The following RAG1 variants were observed in gnomAD, a reference collection of about 807,000 sequenced individuals.
The protein encoded by RAG1 is recombination activating 1.
A neutral mutation model predicts 62.7 loss-of-function variants in RAG1; 35 were observed. That is an observed-to-expected ratio of 0.56 (90% confidence interval 0.43 to 0.74). The LOEUF is 0.74. Ranked by LOEUF, RAG1 falls within the 30% of genes least tolerant of loss-of-function variation. RAG1 has a pLI of 0.00. For missense variants in RAG1, 1,169 were observed against 1,278.6 expected (o/e 0.91, Z 1.31); for synonymous variants, 461 against 470.3 (o/e 0.98, Z 0.26).
intron 2 of RAG1, among the ~76,000 whole-genome samples, chr11:36,532,819 C>G (rs1476805063): frequency 1.3e-5 from 2 of 151,800 alleles, no homozygotes; most frequent in Non-Finnish European, 2.9e-5. Flanking sequence ...GAGAGAGAGA[C>G]AGACAGCACA....
chr11:36,544,517 A>G (rs1280250379), intron 3 of RAG1, among the ~76,000 whole-genome samples: 1 of 152,220 alleles, frequency 6.6e-6, no homozygotes, highest in African/African-American at 2.4e-5. Flanking sequence ...GCATCTTTCC[A>G]GAGATATCTG....
chr11:36,511,330 T>C (rs1353560855), intron 1 of RAG1, among the ~76,000 whole-genome samples: 1 of 152,196 alleles, frequency 6.6e-6, no homozygotes, highest in Non-Finnish European at 1.5e-5. Context: ...GGTGCATATC[T>C]GTAGTCTCGG....
At chr11:36,560,146 G>T (rs1416918083) in intron 3 of RAG1, among the ~76,000 whole-genome samples, 1 of 152,062 alleles carries the variant, frequency 6.6e-6, no homozygotes, top group Non-Finnish European at 1.5e-5. Flanking sequence ...AATGGTGTTT[G>T]TAGAGACAGT....
chr11:36,560,029 G>A (rs546772318), intron 3 of RAG1, among the ~76,000 whole-genome samples: 5 of 152,228 alleles, frequency 3.3e-5, no homozygotes, highest in East Asian at 1.9e-4. Context: ...AGACTTTTTC[G>A]TGTGAGTCTG....
Position 36,574,617 on chromosome 11 carries a change from T to G in RAG1, c.1313T>G (p.Phe438Cys), listed in dbSNP as rs1465369983. Residue 438 changes from phenylalanine to cysteine, a missense_variant, in exon 2 of 2, where the codon TTC (phenylalanine) becomes TGC (cysteine). By Grantham distance (205) the Phe-to-Cys change is radical. Around this residue, in one of 2 missense-constraint regions of RAG1, gnomAD observed 800 missense variants for 943.3 expected, o/e 0.85. Coordinates refer to ENST00000299440, the MANE Select transcript of RAG1 (RefSeq NM_000448.3). The stretch of plus-strand genomic sequence containing the variant: ...GTGAAGTCCGTGTGCATGACCTTGT[T>G]CCTGCTGGCTCTGAGGGCGAGGAAT... ...GDVKSVCMTL[F>C]LLALRARNEH... 1 of 1,614,114 alleles carries G rather than the reference T, an allele frequency of 6.2e-7. No homozygotes were observed. The highest frequency in any genetic ancestry group is 1.3e-5 in the African/African-American group (1 of 74,950).
chr11:36,530,564 GA>G (rs1461119719), intron 2 of RAG1, among the ~76,000 whole-genome samples: 1 of 151,516 alleles, frequency 6.6e-6, no homozygotes, highest in Non-Finnish European at 1.5e-5. Context: ...AAATTTCTTT[GA>G]AATTTTTTCT....
Position 36,574,611 on chromosome 11 carries a change from C to T in RAG1, c.1307C>T (p.Thr436Ile), listed in dbSNP as rs1307634205. Residue 436 changes from threonine (T) to isoleucine (I), a missense_variant, in exon 2 of 2, where the codon ACC becomes ATC. Transcript: ENST00000299440. ...GGAGATGTGAAGTCCGTGTGCATGA[C>T]CTTGTTCCTGCTGGCTCTGAGGGCG... ...EGGDVKSVCM[T>I]LFLLALRARN... 1 of 1,614,116 alleles carries T rather than the reference C, an allele frequency of 6.2e-7. No individual in the cohort carries two copies.
intron 2 of RAG1, among the ~76,000 whole-genome samples, chr11:36,529,732 T>C (rs1027207617): frequency 6.6e-6 from 1 of 152,160 alleles, no homozygotes; most frequent in Non-Finnish European, 1.5e-5. Context: ...CATGATTGTA[T>C]ATTTAAGAAT....
intron 2 of RAG1, among the ~76,000 whole-genome samples, chr11:36,522,121 A>T (rs1306918653): frequency 6.6e-6 from 1 of 152,224 alleles, no homozygotes; most frequent in Non-Finnish European, 1.5e-5. Flanking sequence ...AGAAATTTGC[A>T]TAAGTAATGA....
At chr11:36,523,237 AC>A (rs938734014) in intron 2 of RAG1, among the ~76,000 whole-genome samples, 4 of 152,300 alleles carry the variant, frequency 2.6e-5, no homozygotes, top group African/African-American at 9.6e-5. Flanking sequence ...TATGGGAAGG[AC>A]CTGGTGGGAA....
Position 36,575,909 on chromosome 11 carries a change from G to T in RAG1, c.2605G>T (p.Val869Phe), listed in dbSNP as rs201313833. 4 of 1,614,192 alleles carry T rather than the reference G, an allele frequency of 2.5e-6. No individual in the cohort carries two copies. The highest frequency in any genetic ancestry group is 3.4e-6 in the Non-Finnish European group (4 of 1,180,048). Residue 869 changes from valine to phenylalanine, a missense_variant, in exon 2 of 2, where the codon GTT (valine) becomes TTT (phenylalanine). Val to Phe is a conservative substitution (Grantham distance 50, BLOSUM62 -1). Coordinates refer to ENST00000299440, the MANE Select transcript of RAG1 (RefSeq NM_000448.3). The surrounding 1 kb of genome is among the most constrained non-coding windows in gnomAD (Gnocchi z 4.1). ...CATGACCAAAGAGACTGTGGATGCAGTTTGTGAGTTAATTCCTTCCGAGGA... is the reference window on the plus strand; with the variant it reads ...CATGACCAAAGAGACTGTGGATGCATTTTGTGAGTTAATTCCTTCCGAGGA... ...KLMTKETVDA[V>F]CELIPSEERH...
In RAG1 at chr11:36,545,725, C is replaced by A. The variant is rs1314019035; in HGVS notation, c.-412+9691C>A. ...GCCATTTTCAACAGATTATAACAAA[C>A]CATGATGCAATTAACATTATAAACT... On this transcript the variant is annotated intron_variant and NMD_transcript_variant, in intron 3 of 9. Transcript: ENST00000534663. 2.6e-5 allele frequency among the ~76,000 whole-genome samples: 4 copies of A among 152,084 alleles called. No homozygotes were observed. In the East Asian group the frequency reaches 7.7e-4, roughly 29 times the overall value.
At chr11:36,563,322 GA>G (rs1334958541), upstream of RAG1, 4 of 152,244 alleles carry the variant, frequency 2.6e-5, no homozygotes, top group Admixed American at 6.5e-5. Flanking sequence ...ATAGAACAAA[GA>G]AGTGGAGGAA....
chr11:36,540,305 C>G (rs947033053), downstream of RAG1, among the ~76,000 whole-genome samples: 1 of 152,144 alleles, frequency 6.6e-6, no homozygotes, highest in Admixed American at 6.5e-5. Flanking sequence ...TTTTACTCAC[C>G]GATGTCACTT....
intron 2 of RAG1, among the ~76,000 whole-genome samples, chr11:36,526,023 T>G (rs1252598070): frequency 6.6e-6 from 1 of 152,230 alleles, no homozygotes; most frequent in African/African-American, 2.4e-5. Context: ...ATTGAACTAG[T>G]CTTGCATCCT....
rs1019126501 is a variant in RAG1 at position 36,560,720 on chromosome 11, G to A, written c.-411-2665G>A. Among the ~76,000 whole-genome samples, 9 of 152,078 alleles carry A rather than the reference G, an allele frequency of 5.9e-5. 1 individual carries two copies. The highest frequency in any genetic ancestry group is 3.9e-4 in the Admixed American group (6 of 15,266). Reference sequence around the variant, plus strand: ...GACTGTGGGGGTCTTTTGTACCTAGGATTTCAGGCATCTGCAGTGGTAATG... The same window carrying A: ...GACTGTGGGGGTCTTTTGTACCTAGAATTTCAGGCATCTGCAGTGGTAATG... On this transcript the variant is annotated intron_variant and NMD_transcript_variant, in intron 3 of 9. Transcript: ENST00000534663.
chr11:36,545,205 T>G (rs189555774), intron 3 of RAG1, among the ~76,000 whole-genome samples: 92 of 152,310 alleles, frequency 6.0e-4, no homozygotes, highest in African/African-American at 2.2e-3. Context: ...ATTAAATAGA[T>G]GTGGAATTTG....
In RAG1 at chr11:36,575,813, G is replaced by A. The variant is rs1850838649; in HGVS notation, c.2509G>A (p.Asp837Asn). Residue 837 changes from aspartate to asparagine, a missense_variant, in exon 2 of 2, where the codon GAC (aspartate) becomes AAC (asparagine). This residue lies in a region of RAG1 where 800 missense variants were observed against 943.3 expected (regional missense o/e 0.85). Coordinates refer to ENST00000299440, the MANE Select transcript of RAG1 (RefSeq NM_000448.3). The surrounding 1 kb of genome is among the most constrained non-coding windows in gnomAD (Gnocchi z 4.1). ...EERKRWQATL[D>N]KHLRKKMNLK... ...AAGGAAAAGGTGGCAGGCCACACTG[G>A]ACAAGCATCTCCGGAAGAAGATGAA... 6.2e-7 allele frequency: 1 copy of A among 1,614,200 alleles called. No homozygotes were observed. Among genetic ancestry groups the A allele is most frequent in the Non-Finnish European group, 8.5e-7 (1 of 1,180,042 alleles).
At chr11:36,551,132 T>C (rs1850475672) in intron 3 of RAG1, among the ~76,000 whole-genome samples, 2 of 152,146 alleles carry the variant, frequency 1.3e-5, no homozygotes, top group South Asian at 4.1e-4. Flanking sequence ...AGCAAAAGGA[T>C]TTAGTTGGAT....
Sources: gnomAD v4.1 joint callset for allele counts (sites outside exome capture counted in the v4.1 genomes callset) on GRCh38, gnomAD v4.1.1 for gene constraint, gnomAD v4.1.1 regional missense constraint, Gnocchi (gnomAD v3.1) non-coding constraint, MANE v1.5 for transcripts, NCBI Gene and HGNC (gene_info 2026-07-23, HGNC 2026-07-21) for gene names.